Variants in MMP26 observed in about 807,000 individuals in gnomAD.
MMP26 encodes matrix metalloproteinase-26.
Under a neutral mutation model 31.0 loss-of-function variants are expected in MMP26, and 33 were observed. The ratio of observed to expected loss-of-function variants is 1.06; its 90% confidence interval spans 0.81 to 1.42. MMP26 has a LOEUF of 1.42. MMP26 is among the 40% of genes most tolerant of loss of function. The pLI is 0.00. For synonymous variants in MMP26, 122 were observed against 114.9 expected (o/e 1.06, Z -0.40); for missense variants, 347 against 316.1 (o/e 1.10, Z -0.74).
At chr11:4,967,767 T>C (rs533200308) in intron 2 of MMP26, among the ~76,000 whole-genome samples, 46 of 152,304 alleles carry the variant, frequency 3.0e-4, no homozygotes, top group African/African-American at 1.1e-3. Flanking sequence ...TTTTTGAACT[T>C]ATCTGATAAC....
intron 2 of MMP26, among the ~76,000 whole-genome samples, chr11:4,939,179 G>A (rs1216723479): frequency 6.6e-6 from 1 of 152,078 alleles, no homozygotes; most frequent in Non-Finnish European, 1.5e-5. Flanking sequence ...TATAAGGGGA[G>A]AGAATCATGT....
intron 1 of MMP26, among the ~76,000 whole-genome samples, chr11:4,742,871 C>A (rs1395677315): frequency 6.6e-6 from 1 of 152,068 alleles, no homozygotes; most frequent in Non-Finnish European, 1.5e-5. Flanking sequence ...TGAATTATTT[C>A]ATTGAATTTA....
chr11:4,882,799 A>C (rs868491583), intron 2 of MMP26: 1 of 1,613,852 alleles, frequency 6.2e-7, no homozygotes, highest in Middle Eastern at 1.7e-4. Context: ...AGACCAAGAC[A>C]ATCCGCCAGG....
chr11:4,821,442 C>G (rs1241212558), intron 2 of MMP26: 1 of 1,613,588 alleles, frequency 6.2e-7, no homozygotes, highest in Admixed American at 1.7e-5. Context: ...TCAATAATAC[C>G]ATTGCTGAGC....
At chr11:4,840,450 C>T (rs1244223013) in intron 2 of MMP26, among the ~76,000 whole-genome samples, 1 of 152,214 alleles carries the variant, frequency 6.6e-6, no homozygotes, top group African/African-American at 2.4e-5. Flanking sequence ...TGTGTCACCC[C>T]ACCCTTAGAT....
intron 1 of MMP26, among the ~76,000 whole-genome samples, chr11:4,729,166 A>G (rs1269400725): frequency 6.6e-6 from 1 of 152,126 alleles, no homozygotes; most frequent in East Asian, 1.9e-4. Flanking sequence ...TACCATAAGC[A>G]TCTTCCTAGT....
intron 2 of MMP26, chr11:4,923,857 C>T (rs759980309): frequency 1.2e-5 from 19 of 1,613,794 alleles, no homozygotes; most frequent in Non-Finnish European, 1.5e-5. Flanking sequence ...GGAGGAATGG[C>T]AAGGGGAGGA....
intron 2 of MMP26, among the ~76,000 whole-genome samples, chr11:4,907,073 G>GCAA (rs1850903318): frequency 1.5e-5 from 1 of 66,164 alleles, no homozygotes; most frequent in African/African-American, 5.2e-5. Flanking sequence ...TCCAGCCTGG[G>GCAA]CAACAAGAGC....
In MMP26 at chr11:4,723,821, T is replaced by A. The variant is rs1589883864; in HGVS notation, c.-217+18776T>A. 21 of 1,563,890 alleles carry A rather than the reference T, an allele frequency of 1.3e-5. No individual in the cohort carries two copies. The East Asian group carries it at 4.7e-4, about 35-fold the overall frequency. On this transcript the variant is annotated intron_variant, in intron 1 of 7. Coordinates refer to ENST00000380390, the MANE Select transcript of MMP26 (RefSeq NM_021801.5). ...AGGAGGCTCCACTTGGTCTCCAGCATCTTGTTATGCTGCTCCAGGAACCGT... is the reference window on the plus strand; with the variant it reads ...AGGAGGCTCCACTTGGTCTCCAGCAACTTGTTATGCTGCTCCAGGAACCGT...
chr11:4,884,247 C>T (rs1030745820), intron 2 of MMP26, among the ~76,000 whole-genome samples: 1 of 152,094 alleles, frequency 6.6e-6, no homozygotes, highest in Non-Finnish European at 1.5e-5. Context: ...GAATGACCGT[C>T]CTATAAAGTA....
intron 2 of MMP26, chr11:4,794,084 C>G (rs780696350): frequency 6.6e-6 from 1 of 152,096 alleles, no homozygotes; most frequent in Non-Finnish European, 1.5e-5. Context: ...ATATCAAATC[C>G]AACCACAGAA....
At chr11:4,737,256 C>G (rs1206354841) in intron 1 of MMP26, among the ~76,000 whole-genome samples, 1 of 152,104 alleles carries the variant, frequency 6.6e-6, no homozygotes, top group African/African-American at 2.4e-5. Flanking sequence ...TTTCTACTTC[C>G]CAGTTTTGAT....
At chr11:4,827,303 AATCTATCCTTG>A (rs1170830549) in intron 2 of MMP26, among the ~76,000 whole-genome samples, 1 of 152,176 alleles carries the variant, frequency 6.6e-6, no homozygotes, top group Non-Finnish European at 1.5e-5. Flanking sequence ...CTGTACTGAA[AATCTATCCTTG>A]ATCTTTTTTG....
chr11:4,779,747 G>A (rs1041842857), intron 2 of MMP26, among the ~76,000 whole-genome samples: 1 of 151,960 alleles, frequency 6.6e-6, no homozygotes, highest in African/African-American at 2.4e-5. Context: ...TTGTTTTCAA[G>A]TTGTTCAACA....
chr11:4,898,785 TAG>T (rs544376206), intron 2 of MMP26, among the ~76,000 whole-genome samples: 7 of 151,442 alleles, frequency 4.6e-5, no homozygotes, highest in Non-Finnish European at 1.0e-4. Context: ...CTCTTTAAAT[TAG>T]AGTTTATTAG....
intron 1 of MMP26, among the ~76,000 whole-genome samples, chr11:4,761,808 A>AC (rs1178524804): frequency 1.3e-5 from 2 of 152,208 alleles, no homozygotes; most frequent in African/African-American, 4.8e-5. Context: ...AGGTAATAGC[A>AC]TAATGCCAGT....
intron 1 of MMP26, among the ~76,000 whole-genome samples, chr11:4,763,262 G>A (rs1848590568): frequency 6.6e-6 from 1 of 152,102 alleles, no homozygotes; most frequent in Non-Finnish European, 1.5e-5. Flanking sequence ...GGCCAAAGGA[G>A]ACACTGACCA....
intron 2 of MMP26, among the ~76,000 whole-genome samples, chr11:4,979,771 T>C (rs1846787635): frequency 6.6e-6 from 1 of 152,118 alleles, no homozygotes; most frequent in African/African-American, 2.4e-5. Context: ...TTACAACCAC[T>C]GGACAGATTT....
intron 2 of MMP26, chr11:4,882,680 T>A: frequency 6.2e-7 from 1 of 1,613,976 alleles, no homozygotes; most frequent in Non-Finnish European, 8.5e-7. Flanking sequence ...GATCAGCCTC[T>A]CTTTGGCACA....
Sources: gnomAD v4.1 joint callset for allele counts (sites outside exome capture counted in the v4.1 genomes callset) on GRCh38, gnomAD v4.1.1 for gene constraint, MANE v1.5 for transcripts, NCBI Gene and HGNC (gene_info 2026-07-23, HGNC 2026-07-21) for gene names.